The following SLC8A3 variants were observed in gnomAD, a reference collection of about 807,000 sequenced individuals.
SLC8A3 encodes the protein sodium/calcium exchanger 3.
A neutral mutation model predicts 65.4 loss-of-function variants in SLC8A3; 37 were observed. The observed-to-expected ratio is 0.57, with a 90% CI of 0.44 to 0.74. SLC8A3 has a LOEUF of 0.74. Ranked by LOEUF, SLC8A3 falls within the 30% of genes least tolerant of loss-of-function variation. The probability of loss-of-function intolerance (pLI) is 0.00; values close to 1 mark genes in which losing one functional copy is unlikely to be tolerated. For missense variants in SLC8A3, 1,112 were observed against 1,172.1 expected (o/e 0.95, Z 0.75); for synonymous variants, 461 against 444.5 (o/e 1.04, Z -0.47).
chr14:70,146,981 AT>A lies in SLC8A3; in HGVS notation c.1784+19657del, dbSNP rs111351941. ...GAAACACACATAAGACAAGGTATAT[AT>A]TGATCAGTTGATAAAAATATTGTGA... On this transcript the variant is annotated intron_variant, in intron 2 of 6. Transcript: ENST00000356921. Among the ~76,000 whole-genome samples, 269 of 152,328 alleles carry A rather than the reference AT, an allele frequency of 1.8e-3. 3 individuals carry two copies. The highest frequency in any genetic ancestry group is 0.01 in the East Asian group (54 of 5,190).
chr14:70,160,709 G>T (rs967649641), intron 2 of SLC8A3, among the ~76,000 whole-genome samples: 17 of 152,190 alleles, frequency 1.1e-4, no homozygotes, highest in African/African-American at 3.9e-4. Flanking sequence ...GATACCGCAT[G>T]CCTAGTCCCT....
intron 3 of SLC8A3, among the ~76,000 whole-genome samples, chr14:70,057,041 T>C (rs1287519251): frequency 6.6e-6 from 1 of 152,096 alleles, no homozygotes; most frequent in Non-Finnish European, 1.5e-5. Flanking sequence ...AAGGAGTGTG[T>C]GTTGTGGGGG....
chr14:70,118,533 G>A (rs989489068), intron 2 of SLC8A3, among the ~76,000 whole-genome samples: 2 of 152,146 alleles, frequency 1.3e-5, no homozygotes, highest in Admixed American at 1.3e-4. Context: ...TTGTTTCTGT[G>A]GGGTCAATCT....
intron 3 of SLC8A3, chr14:70,055,734 TA>T: frequency 6.7e-7 from 1 of 1,485,768 alleles, no homozygotes; most frequent in Non-Finnish European, 9.2e-7. Flanking sequence ...ACATTGGTCT[TA>T]AACCAAATAA....
Position 70,167,071 on chromosome 14 carries a change from C to A in SLC8A3, c.1352G>T (p.Gly451Val). 1 of 1,613,964 alleles carries A rather than the reference C, an allele frequency of 6.2e-7. No individual in the cohort carries two copies. ...NAGADYEFTE[G>V]TVVLKPGETQ... ...CTCTCCTGGCTTCAGAACCACCGTG[C>A]CCTCTGTGAACTCATAGTCAGCCCC... is the stretch of plus-strand genomic sequence containing the variant. The change falls in exon 2 of 7, where the codon GGC (glycine) becomes GTC (valine). Residue 451 changes from glycine (G) to valine (V), a missense_variant. By Grantham distance (109) the Gly-to-Val change is moderately radical. Coordinates refer to ENST00000356921, the MANE Select transcript of SLC8A3 (RefSeq NM_182932.3).
chr14:70,064,603 A>G (rs1184792059), intron 2 of SLC8A3, among the ~76,000 whole-genome samples: 1 of 152,098 alleles, frequency 6.6e-6, no homozygotes, highest in Non-Finnish European at 1.5e-5. Context: ...ACATTCTGGC[A>G]ATTCACAGAG....
chr14:70,176,630 TACC>T (rs1174671382), intron 1 of SLC8A3, among the ~76,000 whole-genome samples: 1 of 152,200 alleles, frequency 6.6e-6, no homozygotes, highest in Non-Finnish European at 1.5e-5. Context: ...CACAAATGGG[TACC>T]ACAAGACATT....
At chr14:70,080,404 G>A (rs1462347337) in intron 2 of SLC8A3, among the ~76,000 whole-genome samples, 1 of 152,186 alleles carries the variant, frequency 6.6e-6, no homozygotes, top group African/African-American at 2.4e-5. Flanking sequence ...AGGAGATGCA[G>A]TAAGGAGACA....
chr14:70,168,851 T>C (rs1897327953), intron 1 of SLC8A3, among the ~76,000 whole-genome samples: 1 of 152,220 alleles, frequency 6.6e-6, no homozygotes, highest in Non-Finnish European at 1.5e-5. Context: ...GTTTCTGGGG[T>C]GTTCGGACTT....
At chr14:70,155,274 A>G (rs1227269160) in intron 2 of SLC8A3, among the ~76,000 whole-genome samples, 1 of 151,956 alleles carries the variant, frequency 6.6e-6, no homozygotes. Flanking sequence ...TTTTTTTTAA[A>G]TATACACTAA....
chr14:70,068,082 G>A (rs1395227652), intron 2 of SLC8A3, among the ~76,000 whole-genome samples: 1 of 152,204 alleles, frequency 6.6e-6, no homozygotes, highest in African/African-American at 2.4e-5. Flanking sequence ...ACAACCTGGA[G>A]ACGATTAGGA....
intron 2 of SLC8A3, among the ~76,000 whole-genome samples, chr14:70,130,791 G>A (rs77623228): frequency 0.034 from 5,103 of 152,280 alleles, 290 homozygotes; most frequent in African/African-American, 0.12. Flanking sequence ...TCTGAAAGAG[G>A]CACTATGCCT....
At chr14:70,060,814 T>C (rs769008332) in intron 3 of SLC8A3, 22 bp downstream of exon 3, 1 of 1,157,210 alleles carries the variant, frequency 8.6e-7, no homozygotes, top group Non-Finnish European at 1.3e-6. Context: ...TTTTGTTGTT[T>C]TGTTTTTAAA....
intron 2 of SLC8A3, among the ~76,000 whole-genome samples, chr14:70,068,296 G>T (rs970377897): frequency 2.6e-5 from 4 of 152,148 alleles, no homozygotes; most frequent in African/African-American, 9.7e-5. Context: ...TCTTTATACA[G>T]GAAGGAAGAA....
At chr14:70,156,508 T>C (rs902633212) in intron 2 of SLC8A3, among the ~76,000 whole-genome samples, 1 of 152,196 alleles carries the variant, frequency 6.6e-6, no homozygotes, top group Non-Finnish European at 1.5e-5. Flanking sequence ...CTTTCCAAGA[T>C]GGCCCCCTGG....
intron 2 of SLC8A3, among the ~76,000 whole-genome samples, chr14:70,112,829 T>C (rs148894155): frequency 6.6e-5 from 10 of 152,290 alleles, no homozygotes; most frequent in African/African-American, 2.2e-4. Flanking sequence ...TTCCCTGTCT[T>C]GTAGATGCCT....
chr14:70,046,285 A>G lies in SLC8A3; in HGVS notation c.2428T>C (p.Tyr810His). Residue 810 changes from tyrosine (Y) to histidine (H), a missense_variant, in exon 7 of 7, where the codon TAT becomes CAT. Transcript: ENST00000356921. The surrounding 1 kb of genome is among the most constrained non-coding windows in gnomAD (Gnocchi z 4.2). ...ASKAAALQDVYADASIGNVTG... is the reference protein window; with the variant it reads ...ASKAAALQDVHADASIGNVTG... ...ACGTTGCCAATGGAGGCGTCTGCAT[A>G]TACATCCTGGAGGGCAGCAGCTTTG... 3 of 1,613,438 alleles carry G rather than the reference A, an allele frequency of 1.9e-6. No individual in the cohort carries two copies. Among genetic ancestry groups the G allele is most frequent in the South Asian group, 1.1e-5 (1 of 91,016 alleles).
intron 2 of SLC8A3, among the ~76,000 whole-genome samples, chr14:70,117,926 G>T (rs935567208): frequency 6.6e-6 from 1 of 152,292 alleles, no homozygotes; most frequent in Non-Finnish European, 1.5e-5. Context: ...CTTTGCCACT[G>T]AATCCACAGT....
At chr14:70,078,130 AG>A (rs1201906647) in intron 2 of SLC8A3, among the ~76,000 whole-genome samples, 19 of 152,360 alleles carry the variant, frequency 1.2e-4, no homozygotes, top group African/African-American at 4.3e-4. Flanking sequence ...CATTCAGGGC[AG>A]GTAAGAGTCA....
Sources: allele counts gnomAD v4.1 joint callset (sites outside exome capture counted in the v4.1 genomes callset), GRCh38; gene constraint gnomAD v4.1.1; non-coding constraint Gnocchi (gnomAD v3.1); transcripts MANE v1.5; gene names NCBI Gene and HGNC (gene_info 2026-07-23, HGNC 2026-07-21).